ABCA13: variants seen among roughly 807,000 people sequenced by gnomAD.
ABCA13 encodes ATP-binding cassette sub-family A member 13.
Under a neutral mutation model 478.7 loss-of-function variants are expected in ABCA13, and 476 were observed. The observed-to-expected ratio is 0.99, with a 90% CI of 0.92 to 1.07. The LOEUF is 1.07. Ranked by LOEUF, ABCA13 falls within the 50% of genes least tolerant of loss-of-function variation. The pLI is 0.00. For synonymous variants in ABCA13, 2,252 were observed against 2,158.9 expected (o/e 1.04, Z -1.20); for missense variants, 6,060 against 5,910.6 (o/e 1.03, Z -0.83).
intron 50 of ABCA13, among the ~76,000 whole-genome samples, chr7:48,510,733 A>G (rs576431879): frequency 3.9e-5 from 6 of 152,294 alleles, no homozygotes; most frequent in African/African-American, 1.2e-4. Context: ...GTGTCCTCAC[A>G]TGTCAGCCCT....
At chr7:48,358,666 C>T (rs1374786634) in intron 31 of ABCA13, among the ~76,000 whole-genome samples, 1 of 151,990 alleles carries the variant, frequency 6.6e-6, no homozygotes, top group Non-Finnish European at 1.5e-5. Flanking sequence ...CTATGCAGTT[C>T]TTGAGGTCTA....
Position 48,353,469 on chromosome 7 carries a change from C to T in ABCA13, c.10688+982C>T, listed in dbSNP as rs531506806. Among the ~76,000 whole-genome samples, 8 of 151,578 alleles carry T rather than the reference C, an allele frequency of 5.3e-5. 1 individual carries two copies. The South Asian group carries it at 1.7e-3, about 32-fold the overall frequency. ...CTGAAGGGACCGGTTTGCGTGTTCT[C>T]TTAGTTATGAGAACAGGGACAAGTA... is the stretch of plus-strand genomic sequence containing the variant. On this transcript the variant is annotated intron_variant, in intron 31 of 61. Transcript: ENST00000435803.
At chr7:48,506,528 GAC>G in intron 49 of ABCA13, 138 bp downstream of exon 49, 1 of 917,018 alleles carries the variant, frequency 1.1e-6, no homozygotes. Flanking sequence ...ATGCCCACAG[GAC>G]TTGGGCATTT....
intron 43 of ABCA13, among the ~76,000 whole-genome samples, chr7:48,458,160 G>T (rs1026651219): frequency 6.6e-6 from 1 of 152,104 alleles, no homozygotes; most frequent in African/African-American, 2.4e-5. Flanking sequence ...ACTCTCAAAA[G>T]TGCCCTCTTA....
chr7:48,293,125 C>T (rs1412808181), intron 20 of ABCA13, among the ~76,000 whole-genome samples: 2 of 148,356 alleles, frequency 1.3e-5, no homozygotes, highest in Admixed American at 6.9e-5. Flanking sequence ...TTGGTTGAGG[C>T]GGTGGTGACA....
At chr7:48,530,409 T>G (rs1481308345) in intron 55 of ABCA13, among the ~76,000 whole-genome samples, 6 of 152,102 alleles carry the variant, frequency 3.9e-5, no homozygotes, top group Admixed American at 3.9e-4. Flanking sequence ...GCATTTGAGC[T>G]GGTTTCAAAT....
rs528598445 is a variant in ABCA13 at position 48,342,693 on chromosome 7, C to T, written c.10204+4238C>T. Among the ~76,000 whole-genome samples the T allele has an allele frequency of 3.9e-5, 6 of 152,230 alleles. No homozygotes were observed. The South Asian group carries it at 1.2e-3, about 32-fold the overall frequency. ...TCACTTCTCTCTCTGCTTTCCTCTG[C>T]AACTCTTCTAAACAAGATGAAAACT... is the stretch of plus-strand genomic sequence containing the variant. On this transcript the variant is annotated intron_variant, in intron 29 of 61. Coordinates refer to ENST00000435803, the MANE Select transcript of ABCA13 (RefSeq NM_152701.5).
At chr7:48,207,225 C>T (rs567145256) in intron 3 of ABCA13, among the ~76,000 whole-genome samples, 25 of 151,816 alleles carry the variant, frequency 1.6e-4, no homozygotes, top group Non-Finnish European at 2.9e-4. Flanking sequence ...AAGGTTGATT[C>T]CATAGCTTGG....
chr7:48,233,966 A>G lies in ABCA13; in HGVS notation c.764-52A>G, dbSNP rs1207650406. 4.4e-6 allele frequency: 7 copies of G among 1,601,098 alleles called. No homozygotes were observed. In the South Asian group the frequency reaches 6.7e-5, roughly 15 times the overall value. ...ATTTTTTTTCTGGATTACATTAAAC[A>G]TATCAAAATATTCAAACAACTGCTG... is the stretch of plus-strand genomic sequence containing the variant. On this transcript the variant is annotated intron_variant, in intron 7 of 61. Coordinates refer to ENST00000435803, the MANE Select transcript of ABCA13 (RefSeq NM_152701.5).
chr7:48,241,163 T>C (rs1790774041), intron 10 of ABCA13, 97 bp downstream of exon 10: 1 of 1,354,354 alleles, frequency 7.4e-7, no homozygotes, highest in South Asian at 1.3e-5. Flanking sequence ...TCTGTAAAAC[T>C]ACAGCTAAAT....
intron 45 of ABCA13, among the ~76,000 whole-genome samples, chr7:48,473,779 C>T (rs914236973): frequency 1.8e-4 from 27 of 152,322 alleles, no homozygotes; most frequent in African/African-American, 6.5e-4. Flanking sequence ...TTAAAGGGAG[C>T]TCACATTCCT....
At chr7:48,309,216 G>A (rs533683924) in intron 23 of ABCA13, among the ~76,000 whole-genome samples, 41 of 151,814 alleles carry the variant, frequency 2.7e-4, no homozygotes, top group Non-Finnish European at 5.1e-4. Flanking sequence ...CATGCACTTC[G>A]GCCTCAGTTG....
At chr7:48,479,678 ACT>A (rs1277354902) in intron 45 of ABCA13, among the ~76,000 whole-genome samples, 2 of 151,994 alleles carry the variant, frequency 1.3e-5, no homozygotes, top group Admixed American at 6.6e-5. Flanking sequence ...TCACCATTTT[ACT>A]CTCTGTTCCT....
intron 26 of ABCA13, 41 bp downstream of exon 26, chr7:48,314,450 TTG>T: frequency 6.8e-7 from 1 of 1,471,186 alleles, no homozygotes; most frequent in African/African-American, 1.4e-5. Context: ...TTAGATTCGT[TTG>T]TATCTTGATA....
At position 48,273,548 on chromosome 7, in the gene ABCA13, C is replaced by A. The variant is rs1442497542; in HGVS notation, c.3882C>A (p.Thr1294=). The change falls in exon 17 of 62, where the codon ACC becomes ACA. Residue 1294 remains threonine, a synonymous_variant. Transcript: ENST00000435803. ...AAGTTTTCATTGAGTTTAGCAGTACCTCAGAATATATAGTCAGAAATCTAG... is the reference window on the plus strand; with the variant it reads ...AAGTTTTCATTGAGTTTAGCAGTACATCAGAATATATAGTCAGAAATCTAG... ...LLEVFIEFSS[T]SEYIVRNLDS... is the part of the protein sequence containing the mutation. 6.3e-7 allele frequency: 1 copy of A among 1,582,964 alleles called. No homozygotes were observed. Among genetic ancestry groups the A allele is most frequent in the East Asian group, 2.3e-5 (1 of 43,892 alleles).
intron 29 of ABCA13, among the ~76,000 whole-genome samples, chr7:48,341,858 T>TATATATATATATATATTTCTG (rs1563084551): frequency 1.2e-5 from 1 of 86,718 alleles, no homozygotes. Context: ...ATCTTTCTGA[T>TATATATATATATATATTTCTG]ATATATATAT....
chr7:48,217,608 T>C (rs531722890), intron 3 of ABCA13, among the ~76,000 whole-genome samples: 25 of 152,186 alleles, frequency 1.6e-4, no homozygotes, highest in African/African-American at 4.1e-4. Flanking sequence ...GGAGCTCTCA[T>C]TGGGTCTAAG....
chr7:48,552,777 A>G (rs1785451768), intron 55 of ABCA13, among the ~76,000 whole-genome samples: 1 of 151,660 alleles, frequency 6.6e-6, no homozygotes, highest in African/African-American at 2.4e-5. Flanking sequence ...TAATCACATC[A>G]TGACAAATGG....
At chr7:48,313,038 T>C (rs11979321) in intron 24 of ABCA13, 29 bp from the exon 25 acceptor site, 2 of 1,519,436 alleles carry the variant, frequency 1.3e-6, no homozygotes, top group East Asian at 2.3e-5. Context: ...GGTTATTTCA[T>C]GTTGTTTTGT....
Sources: gnomAD v4.1 joint callset for allele counts (sites outside exome capture counted in the v4.1 genomes callset) on GRCh38, gnomAD v4.1.1 for gene constraint, MANE v1.5 for transcripts, NCBI Gene and HGNC (gene_info 2026-07-23, HGNC 2026-07-21) for gene names.